RAPGEF2: variants seen among roughly 807,000 people sequenced by gnomAD.
The protein encoded by RAPGEF2 is Rap guanine nucleotide exchange factor 2.
Under a neutral mutation model 186.7 loss-of-function variants are expected in RAPGEF2, and 54 were observed. That is an observed-to-expected ratio of 0.29 (90% CI 0.23 to 0.36). The LOEUF (loss-of-function observed/expected upper bound fraction) is 0.36, where lower values mean the gene tolerates loss of function less well. Ranked by LOEUF, RAPGEF2 falls within the 10% of genes least tolerant of loss-of-function variation. RAPGEF2 has a pLI of 1.00. For synonymous variants in RAPGEF2, 712 were observed against 705.9 expected (o/e 1.01, Z -0.14); for missense variants, 1,532 against 2,045.0 (o/e 0.75, Z 4.84).
chr4:159,272,068 G>A (rs1002993626), intron 7 of RAPGEF2, among the ~76,000 whole-genome samples: 6 of 151,990 alleles, frequency 3.9e-5, no homozygotes, highest in Non-Finnish European at 5.9e-5. Context: ...GTGCCTGACC[G>A]TGGCCATTTG....
intron 1 of RAPGEF2, among the ~76,000 whole-genome samples, chr4:159,111,603 T>C (rs1410133717): frequency 6.6e-6 from 1 of 152,220 alleles, no homozygotes; most frequent in Non-Finnish European, 1.5e-5. Flanking sequence ...GGAGGTCTGA[T>C]AGTAACTTTC....
chr4:159,104,782 A>G (rs1737693454), intron 1 of RAPGEF2, among the ~76,000 whole-genome samples: 1 of 152,150 alleles, frequency 6.6e-6, no homozygotes. Flanking sequence ...TGCTAAAGAC[A>G]AATCCATGCT....
At chr4:159,149,060 A>G (rs1415244211) in intron 1 of RAPGEF2, among the ~76,000 whole-genome samples, 1 of 152,190 alleles carries the variant, frequency 6.6e-6, no homozygotes, top group Non-Finnish European at 1.5e-5. Flanking sequence ...TATGTTTCCC[A>G]AAATCAATTG....
chr4:159,263,617 A>G (rs1757118094), intron 7 of RAPGEF2, among the ~76,000 whole-genome samples: 1 of 152,136 alleles, frequency 6.6e-6, no homozygotes, highest in African/African-American at 2.4e-5. Context: ...TAACTCTATA[A>G]TCTTATACAC....
At chr4:159,350,610 A>G (rs750786334) in intron 26 of RAPGEF2, among the ~76,000 whole-genome samples, 2 of 152,212 alleles carry the variant, frequency 1.3e-5, no homozygotes, top group African/African-American at 4.8e-5. Context: ...GTTATATGAC[A>G]TTAGTACAGA....
chr4:159,322,255 A>G (rs1765327557), intron 9 of RAPGEF2, 92 bp from the exon 10 acceptor site: 1 of 1,183,574 alleles, frequency 8.4e-7, no homozygotes, highest in African/African-American at 1.5e-5. Context: ...ATTGTAGGGC[A>G]TTTAAAAAGA....
intron 3 of RAPGEF2, among the ~76,000 whole-genome samples, chr4:159,195,123 A>T (rs1247560586): frequency 6.6e-6 from 1 of 152,240 alleles, no homozygotes; most frequent in Non-Finnish European, 1.5e-5. Flanking sequence ...TCTCAAGCTT[A>T]AAAGAACCTA....
intron 7 of RAPGEF2, among the ~76,000 whole-genome samples, chr4:159,275,055 G>T (rs1273571205): frequency 2.4e-4 from 1 of 4,108 alleles, no homozygotes; most frequent in African/African-American, 7.2e-4. Context: ...TCTGTCTCTC[G>T]TGTGTGTGTG....
chr4:159,252,202 A>G (rs1000200023), intron 7 of RAPGEF2, among the ~76,000 whole-genome samples: 2 of 152,142 alleles, frequency 1.3e-5, no homozygotes, highest in African/African-American at 4.8e-5. Flanking sequence ...CTGAGACTAC[A>G]GGCGTGAGCC....
chr4:159,323,418 A>G (rs1447195059), intron 10 of RAPGEF2, 41 bp from the exon 11 acceptor site: 1 of 1,512,970 alleles, frequency 6.6e-7, no homozygotes, highest in Non-Finnish European at 8.9e-7. Context: ...CTGTATGATC[A>G]TGATGTTACT....
intron 1 of RAPGEF2, among the ~76,000 whole-genome samples, chr4:159,138,672 AAAT>A (rs746192215): frequency 1.6e-4 from 25 of 152,246 alleles, no homozygotes; most frequent in Non-Finnish European, 3.2e-4. Context: ...TTTTTTAAAA[AAAT>A]GATGTAGACA....
intron 1 of RAPGEF2, among the ~76,000 whole-genome samples, chr4:159,105,961 T>C (rs1303949735): frequency 1.3e-5 from 2 of 152,188 alleles, no homozygotes; most frequent in Admixed American, 1.3e-4. Context: ...GACTAAAACC[T>C]ACTATCAGGT....
chr4:159,332,860 C>T (rs1042674527), intron 17 of RAPGEF2, 163 bp downstream of exon 17: 2 of 750,746 alleles, frequency 2.7e-6, no homozygotes, highest in Non-Finnish European at 3.9e-6. Context: ...GTTTTAATCT[C>T]GTTTTTGCCA....
At chr4:159,347,199 C>T (rs755602550) in intron 25 of RAPGEF2, among the ~76,000 whole-genome samples, 3 of 152,142 alleles carry the variant, frequency 2.0e-5, no homozygotes, top group South Asian at 2.1e-4. Context: ...AGTAATATCT[C>T]GTTTAGTCAT....
chr4:159,317,819 T>A (rs1428293286), intron 9 of RAPGEF2, among the ~76,000 whole-genome samples: 1 of 152,182 alleles, frequency 6.6e-6, no homozygotes, highest in Non-Finnish European at 1.5e-5. Flanking sequence ...AAAAAAAAAT[T>A]GGTGAAACGT....
intron 1 of RAPGEF2, among the ~76,000 whole-genome samples, chr4:159,116,880 G>C (rs1739110071): frequency 6.6e-6 from 1 of 152,154 alleles, no homozygotes; most frequent in South Asian, 2.1e-4. Flanking sequence ...GGGCCTGTCA[G>C]TGTTGGGGGA....
intron 3 of RAPGEF2, among the ~76,000 whole-genome samples, chr4:159,199,114 G>A (rs577590239): frequency 2.6e-5 from 4 of 151,038 alleles, no homozygotes; most frequent in African/African-American, 9.7e-5. Flanking sequence ...TGAAAAAATG[G>A]CATCTTTAAA....
intron 7 of RAPGEF2, among the ~76,000 whole-genome samples, chr4:159,288,719 C>T (rs1579778984): frequency 6.6e-6 from 1 of 152,146 alleles, no homozygotes. Context: ...TGCATGAACT[C>T]CTCAGAACCG....
At chr4:159,303,742 A>T (rs182851147) in intron 7 of RAPGEF2, among the ~76,000 whole-genome samples, 13 of 152,192 alleles carry the variant, frequency 8.5e-5, no homozygotes, top group Admixed American at 3.3e-4. Context: ...ATTTTTATTT[A>T]AACATGAACA....
Sources: gnomAD v4.1 joint callset for allele counts (sites outside exome capture counted in the v4.1 genomes callset) on GRCh38, gnomAD v4.1.1 for gene constraint, MANE v1.5 for transcripts, NCBI Gene and HGNC (gene_info 2026-07-23, HGNC 2026-07-21) for gene names.